The following RELN variants were observed in gnomAD, a reference collection of about 807,000 sequenced individuals.
RELN encodes reelin.
In RELN, 108 loss-of-function variants were observed where a neutral mutation model predicts 427.6. The ratio of observed to expected loss-of-function variants is 0.25; its 90% CI spans 0.22 to 0.30. The LOEUF is 0.30. Among genes scored for constraint, RELN ranks in the 10% least tolerant of loss-of-function variants. RELN has a pLI of 1.00. For missense variants in RELN, 3,715 were observed against 4,302.8 expected (o/e 0.86, Z 3.82); for synonymous variants, 1,524 against 1,513.4 (o/e 1.01, Z -0.16).
In RELN at chr7:103,561,670, A is replaced by C. The variant is rs760147132; in HGVS notation, c.5391T>G (p.Val1797=). The change falls in exon 36 of 65, where the codon GTT becomes GTG. Residue 1797 remains valine (V), a synonymous_variant. Coordinates refer to ENST00000428762, the MANE Select transcript of RELN (RefSeq NM_005045.4). The stretch of plus-strand genomic sequence containing the variant: ...CTTTAAGAATCGAGGGCAGAGGAAC[A>C]ACAGGAACACAATAGGGTCCACCAA... ...RGFGGPYCVP[V]VPLPSILKDD... The C allele has an allele frequency of 6.2e-7, 1 of 1,614,112 alleles. No individual in the cohort carries two copies. The highest frequency in any genetic ancestry group is 8.5e-7 in the Non-Finnish European group (1 of 1,179,978).
rs1011802135 is a variant in RELN, at chr7:103,520,716, G to C, written c.7669-1200C>G. 2.0e-5 allele frequency among the ~76,000 whole-genome samples: 3 copies of C among 152,006 alleles called. 1 individual carries two copies. In the South Asian group the frequency reaches 6.2e-4, roughly 32 times the overall value. ...GCATCTGTATTAATTTCTTAATGTT[G>C]ATATACGGATTTTTTTTAGTTGAAC... On this transcript the variant is annotated intron_variant, in intron 48 of 64. Transcript: ENST00000428762.
At chr7:103,677,290 T>C (rs546052707) in intron 11 of RELN, among the ~76,000 whole-genome samples, 1 of 151,162 alleles carries the variant, frequency 6.6e-6, no homozygotes, top group South Asian at 2.1e-4. Flanking sequence ...AGGGATAACA[T>C]TAGGAGAAAT....
At chr7:103,642,418 C>T (rs1409713004) in intron 16 of RELN, among the ~76,000 whole-genome samples, 1 of 141,856 alleles carries the variant, frequency 7.0e-6, no homozygotes, top group African/African-American at 2.6e-5. Context: ...CCTTTTCTTC[C>T]CTTGTAAAAG....
chr7:103,887,647 G>C (rs188145974), intron 2 of RELN, among the ~76,000 whole-genome samples: 11 of 152,254 alleles, frequency 7.2e-5, no homozygotes, highest in African/African-American at 2.2e-4. Context: ...TGTTATATGA[G>C]TAAGAGATTT....
At position 103,739,826 on chromosome 7, in the gene RELN, A is replaced by T. The variant is rs73410902; in HGVS notation, c.656+9600T>A. Among the ~76,000 whole-genome samples the T allele has an allele frequency of 2.1e-3, 319 of 152,302 alleles. 1 individual carries two copies. The highest frequency in any genetic ancestry group is 7.5e-3 in the African/African-American group (311 of 41,562). ...TCTATGCTCTGCATATGAAGGAGGC[A>T]GAAGGACCAGAGTTGCACAATTGCA... On this transcript the variant is annotated intron_variant, in intron 6 of 64. Transcript: ENST00000428762.
At chr7:103,839,422 T>C (rs1334150792) in intron 2 of RELN, among the ~76,000 whole-genome samples, 1 of 151,518 alleles carries the variant, frequency 6.6e-6, no homozygotes, top group African/African-American at 2.4e-5. Flanking sequence ...TAGAAATCCA[T>C]TGATCTAAAA....
intron 11 of RELN, among the ~76,000 whole-genome samples, chr7:103,674,711 G>A (rs1833474467): frequency 6.6e-6 from 1 of 152,112 alleles, no homozygotes; most frequent in Non-Finnish European, 1.5e-5. Context: ...CTTCATCCCT[G>A]GGATGCAAGC....
intron 40 of RELN, among the ~76,000 whole-genome samples, chr7:103,551,992 C>A (rs1830423206): frequency 6.6e-6 from 1 of 151,544 alleles, no homozygotes; most frequent in Non-Finnish European, 1.5e-5. Flanking sequence ...AACACATTTT[C>A]AGCATACATT....
intron 11 of RELN, among the ~76,000 whole-genome samples, chr7:103,678,087 C>T (rs1833577316): frequency 6.6e-6 from 1 of 152,126 alleles, no homozygotes; most frequent in Non-Finnish European, 1.5e-5. Flanking sequence ...TTGATTCCAG[C>T]TTTTAATATT....
At chr7:103,766,995 T>C (rs749281750) in intron 4 of RELN, among the ~76,000 whole-genome samples, 4 of 152,242 alleles carry the variant, frequency 2.6e-5, no homozygotes, top group Non-Finnish European at 5.9e-5. Context: ...GCATGACTGC[T>C]GTCAGGCCAC....
chr7:103,510,285 A>G (rs1829363383), intron 51 of RELN, among the ~76,000 whole-genome samples: 1 of 152,266 alleles, frequency 6.6e-6, no homozygotes, highest in Admixed American at 6.5e-5. Flanking sequence ...TGGCACATAT[A>G]CACCATGGAA....
chr7:103,816,774 G>A (rs78225819), intron 3 of RELN, among the ~76,000 whole-genome samples: 1,726 of 152,182 alleles, frequency 0.011, 30 homozygotes, highest in African/African-American at 0.037. Flanking sequence ...ATTGCTCCTT[G>A]AGTCTTCTTC....
intron 3 of RELN, among the ~76,000 whole-genome samples, chr7:103,816,745 C>A (rs1335211814): frequency 1.3e-5 from 2 of 152,174 alleles, no homozygotes; most frequent in Admixed American, 1.3e-4. Flanking sequence ...ACACTGATTT[C>A]TTGAAGATAC....
intron 1 of RELN, among the ~76,000 whole-genome samples, chr7:103,923,900 G>T (rs1795669040): frequency 6.6e-6 from 1 of 152,052 alleles, no homozygotes; most frequent in African/African-American, 2.4e-5. Context: ...TACATGCCAG[G>T]TATTGTTCTA....
intron 3 of RELN, among the ~76,000 whole-genome samples, chr7:103,812,817 TTCTA>T (rs1035269051): frequency 6.6e-6 from 1 of 152,214 alleles, no homozygotes; most frequent in Admixed American, 6.5e-5. Context: ...CATTTCAAGC[TTCTA>T]TCTAATTTTC....
chr7:103,964,027 C>T (rs960827629), intron 1 of RELN, among the ~76,000 whole-genome samples: 1 of 152,086 alleles, frequency 6.6e-6, no homozygotes, highest in East Asian at 1.9e-4. Flanking sequence ...GGCATGGTGG[C>T]ACACACCTGT....
chr7:103,829,136 G>A (rs1248927014), intron 3 of RELN, among the ~76,000 whole-genome samples: 8 of 151,868 alleles, frequency 5.3e-5, no homozygotes, highest in African/African-American at 1.9e-4. Context: ...AGAATTAAAT[G>A]GATTAAAAGA....
chr7:103,842,177 A>AGAT (rs1478499061), intron 2 of RELN, among the ~76,000 whole-genome samples: 1 of 152,134 alleles, frequency 6.6e-6, no homozygotes, highest in Non-Finnish European at 1.5e-5. Context: ...TGGCACAAAT[A>AGAT]TCTAAGATGA....
chr7:103,774,008 A>G (rs1791673267), intron 4 of RELN, among the ~76,000 whole-genome samples: 1 of 152,022 alleles, frequency 6.6e-6, no homozygotes, highest in African/African-American at 2.4e-5. Context: ...CAGAATAATG[A>G]CTTTCGGTAG....
Sources: gnomAD v4.1 joint callset for allele counts (sites outside exome capture counted in the v4.1 genomes callset) on GRCh38, gnomAD v4.1.1 for gene constraint, MANE v1.5 for transcripts, NCBI Gene and HGNC (gene_info 2026-07-23, HGNC 2026-07-21) for gene names.